SAMD5: variants seen among roughly 807,000 people sequenced by gnomAD.
The protein encoded by SAMD5 is sterile alpha motif domain-containing protein 5.
A neutral mutation model predicts 11.3 loss-of-function variants in SAMD5; 13 were observed. That is an observed-to-expected ratio of 1.15 (90% CI 0.75 to 1.83). SAMD5 has a LOEUF of 1.83. Among genes scored for constraint, SAMD5 ranks in the 40% most tolerant of loss-of-function variants. SAMD5 has a pLI of 0.00. For missense variants in SAMD5, 255 were observed against 239.1 expected (o/e 1.07, Z -0.44); for synonymous variants, 129 against 111.3 (o/e 1.16, Z -1.00).
intron 1 of SAMD5, among the ~76,000 whole-genome samples, chr6:147,593,885 T>C (rs1014746863): frequency 1.3e-5 from 2 of 152,140 alleles, no homozygotes; most frequent in Non-Finnish European, 2.9e-5. Flanking sequence ...CCCAGCATTT[T>C]GGGAGGCCAA....
chr6:147,642,135 A>G (rs1247891895), intron 1 of SAMD5, among the ~76,000 whole-genome samples: 1 of 152,264 alleles, frequency 6.6e-6, no homozygotes, highest in African/African-American at 2.4e-5. Flanking sequence ...TTTCTTTGTA[A>G]GAAAATAATG....
At chr6:147,825,071 G>T in the SAMD5 span, among the ~76,000 whole-genome samples, 1 of 152,182 alleles carries the variant, frequency 6.6e-6, no homozygotes. Context: ...GAGGTAGGGG[G>T]ATCATCTGAG....
At chr6:147,611,051 G>A (rs549411319) in intron 1 of SAMD5, among the ~76,000 whole-genome samples, 9 of 151,862 alleles carry the variant, frequency 5.9e-5, no homozygotes, top group Non-Finnish European at 1.3e-4. Flanking sequence ...TGTATTTTTA[G>A]TAGAGGTGGG....
the SAMD5 span, among the ~76,000 whole-genome samples, chr6:147,780,514 C>T: frequency 6.6e-6 from 1 of 152,106 alleles, no homozygotes; most frequent in South Asian, 2.1e-4. Flanking sequence ...GGCCTATAAA[C>T]TTAATTCTTG....
intron 1 of SAMD5, among the ~76,000 whole-genome samples, chr6:147,650,228 A>G (rs1409050163): frequency 1.3e-5 from 2 of 152,234 alleles, no homozygotes; most frequent in African/African-American, 4.8e-5. Context: ...TCAGCAGAAG[A>G]TAAAGTGTCA....
At chr6:147,876,217 C>T in the SAMD5 span, among the ~76,000 whole-genome samples, 2 of 152,188 alleles carry the variant, frequency 1.3e-5, no homozygotes, top group Non-Finnish European at 2.9e-5. Flanking sequence ...CTGAGCCTCA[C>T]CTTCTTCCCT....
intron 1 of SAMD5, among the ~76,000 whole-genome samples, chr6:147,583,308 T>G (rs1308599499): frequency 1.3e-5 from 2 of 152,216 alleles, no homozygotes; most frequent in African/African-American, 4.8e-5. Context: ...TGAACTAAAA[T>G]TTAAACACAC....
At chr6:147,854,193 G>A in the SAMD5 span, among the ~76,000 whole-genome samples, 3 of 152,160 alleles carry the variant, frequency 2.0e-5, no homozygotes, top group East Asian at 5.8e-4. Context: ...CCCAGAGGTT[G>A]AAGAATGGAG....
At chr6:147,519,220 C>G (rs1788216192) in intron 1 of SAMD5, among the ~76,000 whole-genome samples, 1 of 152,110 alleles carries the variant, frequency 6.6e-6, no homozygotes, top group Non-Finnish European at 1.5e-5. Flanking sequence ...TATAATGTAA[C>G]TTTATAATAA....
intron 1 of SAMD5, among the ~76,000 whole-genome samples, chr6:147,691,224 C>G (rs371541974): frequency 7.9e-5 from 12 of 152,230 alleles, no homozygotes; most frequent in African/African-American, 2.9e-4. Context: ...GAACTCCTGA[C>G]CTCAAGTGAT....
chr6:147,877,892 T>C, the SAMD5 span, among the ~76,000 whole-genome samples: 24 of 40,010 alleles, frequency 6.0e-4, no homozygotes, highest in African/African-American at 2.7e-3. Context: ...GATAGATAGA[T>C]AGCTAGATAG....
Position 147,566,829 on chromosome 6 carries a change from A to G in SAMD5, c.*2373A>G, listed in dbSNP as rs781305129. 67 of 979,158 alleles carry G rather than the reference A, an allele frequency of 6.8e-5. No homozygotes were observed. The highest frequency in any genetic ancestry group is 7.8e-5 in the Non-Finnish European group (64 of 824,320). The allele number at this position is 979,158 out of a possible 1,614,324, so 60.7% of individuals were successfully genotyped here. A position where few individuals can be genotyped will look rare whatever the true frequency, so the allele number is the denominator to read the frequency against. ...CTTTGCATTAAAATCAAGATGAGGT[A>G]AGAGGTAGAATATAAGAGAAAGGGA... On this transcript the variant is annotated 3_prime_UTR_variant, in exon 2 of 2. Transcript: ENST00000367474.
intron 1 of SAMD5, among the ~76,000 whole-genome samples, chr6:147,730,551 A>C (rs4122004): frequency 0.073 from 11,064 of 152,236 alleles, 484 homozygotes; most frequent in Non-Finnish European, 0.092. Flanking sequence ...TCAGGAGTTC[A>C]GTTTGGGGTA....
chr6:147,541,615 TAAG>T (rs1788605816), intron 1 of SAMD5, among the ~76,000 whole-genome samples: 1 of 152,038 alleles, frequency 6.6e-6, no homozygotes, highest in Non-Finnish European at 1.5e-5. Flanking sequence ...ACCAGACAAA[TAAG>T]GAGGGTTCTC....
the SAMD5 span, among the ~76,000 whole-genome samples, chr6:147,920,462 C>T: frequency 6.6e-6 from 1 of 152,244 alleles, no homozygotes; most frequent in East Asian, 1.9e-4. Context: ...GGACTGGCTT[C>T]CTTGCTCCTC....
chr6:147,851,896 T>A, the SAMD5 span, among the ~76,000 whole-genome samples: 125 of 152,314 alleles, frequency 8.2e-4, no homozygotes, highest in Non-Finnish European at 1.5e-3. Flanking sequence ...AAATTTAATT[T>A]AAATTGTATT....
At chr6:147,597,351 C>CT (rs1374168085) in intron 1 of SAMD5, among the ~76,000 whole-genome samples, 1 of 152,120 alleles carries the variant, frequency 6.6e-6, no homozygotes, top group Non-Finnish European at 1.5e-5. Context: ...GAATTAATCC[C>CT]TTTCACTTAT....
chr6:147,632,345 G>A (rs1177618143), intron 1 of SAMD5, among the ~76,000 whole-genome samples: 2 of 152,184 alleles, frequency 1.3e-5, no homozygotes, highest in Non-Finnish European at 2.9e-5. Flanking sequence ...GGATATGGAA[G>A]GCATATTTAG....
the SAMD5 span, among the ~76,000 whole-genome samples, chr6:147,889,208 C>G: frequency 6.6e-6 from 1 of 152,182 alleles, no homozygotes; most frequent in African/African-American, 2.4e-5. Context: ...TGAACAGTTT[C>G]TGTTGCTGTG....
Sources: gnomAD v4.1 joint callset for allele counts (sites outside exome capture counted in the v4.1 genomes callset) on GRCh38, gnomAD v4.1.1 for gene constraint, MANE v1.5 for transcripts, NCBI Gene and HGNC (gene_info 2026-07-23, HGNC 2026-07-21) for gene names.